The following PAQR3 variants were observed in gnomAD, a reference collection of about 807,000 sequenced individuals.
PAQR3 encodes Raf kinase trapping to Golgi.
PAQR3 carries 39 observed loss-of-function variants against 41.7 expected under a neutral mutation model. That is an observed-to-expected ratio of 0.93 (90% CI 0.72 to 1.22). PAQR3 has a LOEUF of 1.22. Among genes scored for constraint, PAQR3 ranks in the 50% most tolerant of loss-of-function variants. PAQR3 has a pLI of 0.00. For synonymous variants in PAQR3, 140 were observed against 140.6 expected (o/e 1.00, Z 0.03); for missense variants, 366 against 385.6 (o/e 0.95, Z 0.42).
At chr4:78,900,723 T>C (rs950952803) in intron 11 of PAQR3, among the ~76,000 whole-genome samples, 3 of 152,208 alleles carry the variant, frequency 2.0e-5, no homozygotes, top group Non-Finnish European at 4.4e-5. Context: ...ATAGACTATG[T>C]CTTAAAATGA....
At chr4:78,921,953 A>T in intron 5 of PAQR3, 1 of 984,912 alleles carries the variant, frequency 1.0e-6, no homozygotes. Context: ...AATAAGTTTG[A>T]TTGTTTATAT....
At position 78,913,584 on chromosome 4, in the gene PAQR3, A is replaced by C. The variant is rs768056548; in HGVS notation, c.*6955T>G. 1.3e-5 allele frequency: 2 copies of C among 152,190 alleles called. No individual in the cohort carries two copies. The highest frequency in any genetic ancestry group is 2.9e-5 in the Non-Finnish European group (2 of 68,014). The allele number at this position is 152,190 out of a possible 1,614,324, so 9.4% of individuals were successfully genotyped here. A position where few individuals can be genotyped will look rare whatever the true frequency, so the allele number is the denominator to read the frequency against. On this transcript the variant is annotated 3_prime_UTR_variant, in exon 6 of 6. Transcript: ENST00000512733. ...CTCTTTGATTTTTATATTTTAAATT[A>C]ACTCTCTTCGATCTCAAAGTATATT...
At chr4:78,895,020 C>T (rs1365707488) in intron 11 of PAQR3, among the ~76,000 whole-genome samples, 3 of 152,028 alleles carry the variant, frequency 2.0e-5, no homozygotes, top group African/African-American at 7.2e-5. Context: ...TATATGGGCT[C>T]AGTTTGTGGA....
At chr4:78,888,647 G>A (rs920655487) in intron 11 of PAQR3, among the ~76,000 whole-genome samples, 2 of 152,158 alleles carry the variant, frequency 1.3e-5, no homozygotes, top group African/African-American at 4.8e-5. Flanking sequence ...TCTTTTCTCT[G>A]GACACCCTTA....
At position 78,918,367 on chromosome 4, in the gene PAQR3, A is replaced by G; in HGVS notation, c.*2172T>C. 6.1e-6 allele frequency: 6 copies of G among 979,152 alleles called. No homozygotes were observed. Among genetic ancestry groups the G allele is most frequent in the Non-Finnish European group, 7.3e-6 (6 of 823,852 alleles). The allele number at this position is 979,152 out of a possible 1,614,324, so 60.7% of individuals were successfully genotyped here. A position where few individuals can be genotyped will look rare whatever the true frequency, so the allele number is the denominator to read the frequency against. ...CAAAATTTTACCAGTAGTGCTGTGC[A>G]CACAGTAGGTGGTCATTAAATGCTG... On this transcript the variant is annotated 3_prime_UTR_variant, in exon 6 of 6. Coordinates refer to ENST00000512733, the MANE Select transcript of PAQR3 (RefSeq NM_001040202.2).
At chr4:78,935,015 C>A in intron 2 of PAQR3, 106 bp downstream of exon 2, 11 of 962,150 alleles carry the variant, frequency 1.1e-5, no homozygotes, top group Non-Finnish European at 1.7e-5. Flanking sequence ...ACATGCCATT[C>A]CGGGGCTCTT....
chr4:78,926,571 T>C lies in PAQR3; in HGVS notation c.652A>G (p.Thr218Ala), dbSNP rs376293271. ...CSVSGYGVIP[T>A]LHWVWLNGGI... ...CCATTGAGCCAAACCCAGTGAAGAG[T>C]AGGAATCACTCCATATCCCGAAACA... Residue 218 changes from threonine (T) to alanine (A), a missense_variant, in exon 4 of 6, where the codon ACT (threonine) becomes GCT (alanine). Coordinates refer to ENST00000512733, the MANE Select transcript of PAQR3 (RefSeq NM_001040202.2). 69 of 1,612,254 alleles carry C rather than the reference T, an allele frequency of 4.3e-5. No homozygotes were observed. The highest frequency in any genetic ancestry group is 1.7e-4 in the Admixed American group (10 of 59,808).
At position 78,918,216 on chromosome 4, in the gene PAQR3, T is replaced by C. The variant is rs1386445316; in HGVS notation, c.*2323A>G. ...AATTAAAACCAGTCTTTTTTAGTAA[T>C]AAAACTGGATAGTATATTTTAATCT... On this transcript the variant is annotated 3_prime_UTR_variant, in exon 6 of 6. Coordinates refer to ENST00000512733, the MANE Select transcript of PAQR3 (RefSeq NM_001040202.2). 3 of 869,530 alleles carry C rather than the reference T, an allele frequency of 3.5e-6. No homozygotes were observed. The African/African-American group carries it at 7.4e-5, about 21-fold the overall frequency. 53.9% of individuals were successfully genotyped at this position (869,530 alleles called of 1,614,324 possible). A position where few individuals can be genotyped will look rare whatever the true frequency, so the allele number is the denominator to read the frequency against.
chr4:78,923,482 A>G (rs972990661), intron 5 of PAQR3: 9 of 249,464 alleles, frequency 3.6e-5, no homozygotes, highest in African/African-American at 7.0e-5. Flanking sequence ...TTCTTGCTTT[A>G]TATATCTCTG....
chr4:78,922,454 A>G (rs945645143), intron 5 of PAQR3: 2 of 1,285,724 alleles, frequency 1.6e-6, no homozygotes, highest in African/African-American at 3.0e-5. Flanking sequence ...ATAAATTTGC[A>G]GTTTAGATTT....
At chr4:78,896,736 T>G (rs1237253311) in intron 11 of PAQR3, among the ~76,000 whole-genome samples, 1 of 152,242 alleles carries the variant, frequency 6.6e-6, no homozygotes, top group East Asian at 1.9e-4. Flanking sequence ...TAAACTGTTT[T>G]TTATCACAAT....
chr4:78,915,046 A>G lies in PAQR3; in HGVS notation c.*5493T>C, dbSNP rs1734926453. ...AAGACACAAAAATTGCATGGTAAGT[A>G]TAATAGGTGGAGGAGGAAAGGTTGT... On this transcript the variant is annotated 3_prime_UTR_variant, in exon 6 of 6. Coordinates refer to ENST00000512733, the MANE Select transcript of PAQR3 (RefSeq NM_001040202.2). 1 of 152,056 alleles carries G rather than the reference A, an allele frequency of 6.6e-6. No individual in the cohort carries two copies. The highest frequency in any genetic ancestry group is 2.1e-4 in the South Asian group (1 of 4,832). 9.4% of individuals were successfully genotyped at this position (152,056 alleles called of 1,614,324 possible).
intron 2 of PAQR3, among the ~76,000 whole-genome samples, chr4:78,932,410 A>G (rs905697442): frequency 6.6e-6 from 1 of 152,284 alleles, no homozygotes; most frequent in Non-Finnish European, 1.5e-5. Context: ...CCATTGCCAC[A>G]ATGTTGAATG....
chr4:78,893,383 G>A (rs1455511435), intron 11 of PAQR3, among the ~76,000 whole-genome samples: 1 of 152,142 alleles, frequency 6.6e-6, no homozygotes, highest in African/African-American at 2.4e-5. Context: ...TCATCCATGA[G>A]GGTTGGAGTC....
At chr4:78,899,373 C>T (rs1733879514) in intron 11 of PAQR3, among the ~76,000 whole-genome samples, 1 of 152,074 alleles carries the variant, frequency 6.6e-6, no homozygotes, top group Non-Finnish European at 1.5e-5. Context: ...GAAAAGAGTT[C>T]ACATTCACAT....
At chr4:78,903,659 T>C (rs1734134893) in intron 11 of PAQR3, among the ~76,000 whole-genome samples, 1 of 151,956 alleles carries the variant, frequency 6.6e-6, no homozygotes, top group Non-Finnish European at 1.5e-5. Flanking sequence ...GATAAAGCCT[T>C]ATAGTGTTTC....
chr4:78,937,515 T>C (rs1737559762), intron 1 of PAQR3, among the ~76,000 whole-genome samples: 1 of 152,230 alleles, frequency 6.6e-6, no homozygotes, highest in South Asian at 2.1e-4. Context: ...TCATCATCTG[T>C]TCAGCTTCAC....
rs1198205373 is a variant in PAQR3 at position 78,919,101 on chromosome 4, A to G, written c.*1438T>C. The G allele has an allele frequency of 1.0e-6, 1 of 984,912 alleles. No homozygotes were observed. The highest frequency in any genetic ancestry group is 1.7e-5 in the African/African-American group (1 of 57,194). The allele number at this position is 984,912 out of a possible 1,614,324, so 61.0% of individuals were successfully genotyped here. A position where few individuals can be genotyped will look rare whatever the true frequency, so the allele number is the denominator to read the frequency against. On this transcript the variant is annotated 3_prime_UTR_variant, in exon 6 of 6. Transcript: ENST00000512733. ...AAAAACACTACACTGGAAAAGAAACACAACATTTTACTGATGTATTAACTG... is the reference window on the plus strand; with the variant it reads ...AAAAACACTACACTGGAAAAGAAACGCAACATTTTACTGATGTATTAACTG...
chr4:78,920,622 A>T lies in PAQR3; in HGVS notation c.853T>A (p.Leu285Ile). The T allele has an allele frequency of 6.2e-7, 1 of 1,611,856 alleles. No individual in the cohort carries two copies. Among genetic ancestry groups the T allele is most frequent in the Non-Finnish European group, 8.5e-7 (1 of 1,178,572 alleles). Residue 285 changes from leucine to isoleucine, a missense_variant, in exon 6 of 6, where the codon TTA becomes ATA. Transcript: ENST00000512733. ...QIWHILAVVM[L>I]YWWHQSTVYV... is the part of the protein sequence containing the mutation. ...ACTGTTGACTGATGCCACCAATATA[A>T]CATCACTACTGCAAGGATATGCCAT... is the stretch of plus-strand genomic sequence containing the variant.
Sources: allele counts gnomAD v4.1 joint callset (sites outside exome capture counted in the v4.1 genomes callset), GRCh38; gene constraint gnomAD v4.1.1; transcripts MANE v1.5; gene names NCBI Gene and HGNC (gene_info 2026-07-23, HGNC 2026-07-21).